ADCY10: variants seen among roughly 807,000 people sequenced by gnomAD.
ADCY10 encodes adenylate cyclase 10.
Under a neutral mutation model 183.3 loss-of-function variants are expected in ADCY10, and 156 were observed. That is an observed-to-expected ratio of 0.85 (90% CI 0.75 to 0.97). ADCY10 has a LOEUF of 0.97. Ranked by LOEUF, ADCY10 falls within the 50% of genes least tolerant of loss-of-function variation. ADCY10 has a pLI of 0.00. For synonymous variants in ADCY10, 645 were observed against 670.0 expected, an observed-to-expected ratio of 0.96 and a Z score of 0.58; for missense variants, 1,745 against 1,934.3, an observed-to-expected ratio of 0.90 and a Z score of 1.84.
At chr1:167,819,938 A>C (rs1662781509) in intron 30 of ADCY10, 3 of 1,143,624 alleles carry the variant, frequency 2.6e-6, no homozygotes, top group Non-Finnish European at 4.0e-6. Context: ...CAGGCCATCA[A>C]CTTCATCTTC....
chr1:167,891,724 T>C (rs1372995502), intron 8 of ADCY10, among the ~76,000 whole-genome samples: 1 of 151,696 alleles, frequency 6.6e-6, no homozygotes, highest in Non-Finnish European at 1.5e-5. Context: ...ATCCCTGAAT[T>C]TTGTTAATTA....
intron 25 of ADCY10, among the ~76,000 whole-genome samples, chr1:167,830,857 C>T (rs1418942876): frequency 6.6e-6 from 1 of 152,176 alleles, no homozygotes; most frequent in African/African-American, 2.4e-5. Context: ...TCTGATTTGC[C>T]TCCTTTGGAA....
At position 167,854,455 on chromosome 1, in the gene ADCY10, A is replaced by C; in HGVS notation, c.2206T>G (p.Tyr736Asp). Reference sequence around the variant, plus strand: ...AGGTTTTTAAGCAATTCTTCACAGTAAAATGGAATCCCACAGCTTCCCTCC... The same window carrying C: ...AGGTTTTTAAGCAATTCTTCACAGTCAAATGGAATCCCACAGCTTCCCTCC... ...LGEGSCGIPFYCEELLKNLEH... is the reference protein window; with the variant it reads ...LGEGSCGIPFDCEELLKNLEH... The change falls in exon 18 of 33, where the codon TAC (tyrosine) becomes GAC (aspartate). Residue 736 changes from tyrosine (Y) to aspartate (D), a missense_variant. Tyr to Asp is a radical substitution (Grantham distance 160). Coordinates refer to ENST00000367851, the MANE Select transcript of ADCY10 (RefSeq NM_018417.6). The C allele has an allele frequency of 6.2e-7, 1 of 1,614,218 alleles. No homozygotes were observed. Among genetic ancestry groups the C allele is most frequent in the Non-Finnish European group, 8.5e-7 (1 of 1,180,040 alleles).
At chr1:167,867,108 G>A (rs1410199983) in intron 14 of ADCY10, among the ~76,000 whole-genome samples, 2 of 152,214 alleles carry the variant, frequency 1.3e-5, no homozygotes, top group South Asian at 2.1e-4. Flanking sequence ...CCTAAACCCC[G>A]CCACCTTGCT....
intron 15 of ADCY10, 62 bp downstream of exon 15, chr1:167,860,809 A>T: frequency 7.3e-7 from 1 of 1,376,176 alleles, no homozygotes; most frequent in Non-Finnish European, 1.0e-6. Context: ...ACAATGCACC[A>T]GAGAGGAGTT....
chr1:167,860,894 G>C lies in ADCY10; in HGVS notation c.1786C>G (p.Leu596Val), dbSNP rs548988480. The C allele has an allele frequency of 3.1e-6, 5 of 1,613,998 alleles. No homozygotes were observed. The African/African-American group carries it at 6.7e-5, about 22-fold the overall frequency. The stretch of plus-strand genomic sequence containing the variant: ...ACCTGAACATGGAAAATGTCATTAA[G>C]AAGACAGTAGAACTTTTCATCCAAC... ...TLLDEKFYCL[L>V]NDIFHVQFPI... is the part of the protein sequence containing the mutation. The change falls in exon 15 of 33, where the codon CTT (leucine) becomes GTT (valine). Residue 596 changes from leucine to valine, a missense_variant. Coordinates refer to ENST00000367851, the MANE Select transcript of ADCY10 (RefSeq NM_018417.6).
chr1:167,820,399 A>G (rs1558146416), intron 30 of ADCY10: 4 of 538,098 alleles, frequency 7.4e-6, no homozygotes, highest in Non-Finnish European at 1.3e-5. Context: ...CAGCACCCCG[A>G]GAGCTGGCCG....
intron 23 of ADCY10, 77 bp from the exon 24 acceptor site, chr1:167,834,154 C>A: frequency 9.2e-7 from 1 of 1,082,448 alleles, no homozygotes. Context: ...GCCCCAGACT[C>A]TACTGAAGTA....
intron 6 of ADCY10, 98 bp from the exon 7 acceptor site, chr1:167,896,789 AAC>A: frequency 1.2e-6 from 1 of 838,034 alleles, no homozygotes; most frequent in East Asian, 2.5e-5. Flanking sequence ...CTTTTGACTG[AAC>A]AGTGATTGGC....
intron 21 of ADCY10, among the ~76,000 whole-genome samples, chr1:167,841,641 C>T (rs1479074894): frequency 6.6e-6 from 1 of 151,104 alleles, no homozygotes; most frequent in Non-Finnish European, 1.5e-5. Flanking sequence ...ACTACAGGCA[C>T]AAGCCATCGC....
chr1:167,809,632 A>C lies in ADCY10; in HGVS notation c.*46T>G. 1 of 1,603,986 alleles carries C rather than the reference A, an allele frequency of 6.2e-7. No homozygotes were observed. The highest frequency in any genetic ancestry group is 8.5e-7 in the Non-Finnish European group (1 of 1,170,812). On this transcript the variant is annotated 3_prime_UTR_variant, in exon 33 of 33. Transcript: ENST00000367851. ...CCACGGAGAAAGGTCAATAATAGAT[A>C]ATCACAAGGACATAGTGCTTATTAA...
At chr1:167,871,648 C>T (rs1667114463) in intron 13 of ADCY10, among the ~76,000 whole-genome samples, 1 of 152,186 alleles carries the variant, frequency 6.6e-6, no homozygotes, top group African/African-American at 2.4e-5. Flanking sequence ...TTTTGTTATT[C>T]ACTGATAGAA....
intron 12 of ADCY10, among the ~76,000 whole-genome samples, chr1:167,875,902 G>A (rs1001577155): frequency 2.0e-5 from 3 of 151,402 alleles, no homozygotes; most frequent in South Asian, 2.1e-4. Context: ...GCAGTGAGCC[G>A]AGATCGCACC....
intron 8 of ADCY10, 92 bp downstream of exon 8, chr1:167,893,761 G>T: frequency 5.8e-6 from 4 of 691,682 alleles, no homozygotes; most frequent in South Asian, 1.6e-5. Context: ...CTATTTACTA[G>T]TAGCTGCTGT....
rs371489223 is a variant in ADCY10, at chr1:167,827,572, G to A, written c.3750+1695C>T. ...TGTCTCCTGATATCTTCTTCATCCA[G>A]TCAAAGGCTTCTTTGGTTATGACCT... On this transcript the variant is annotated intron_variant, in intron 26 of 32. Transcript: ENST00000367851. Among the ~76,000 whole-genome samples the A allele has an allele frequency of 5.9e-5, 9 of 152,022 alleles. No homozygotes were observed. The South Asian group carries it at 1.9e-3, about 32-fold the overall frequency.
At chr1:167,832,262 A>G (rs1276489732) in intron 25 of ADCY10, among the ~76,000 whole-genome samples, 2 of 152,170 alleles carry the variant, frequency 1.3e-5, no homozygotes, top group Admixed American at 1.3e-4. Context: ...GATAGGTGGA[A>G]TATTTTTGAA....
At chr1:167,849,226 A>T (rs1370277816) in intron 18 of ADCY10, among the ~76,000 whole-genome samples, 1 of 152,208 alleles carries the variant, frequency 6.6e-6, no homozygotes. Flanking sequence ...TTACAAACAC[A>T]TTCTGTGAGG....
intron 8 of ADCY10, 104 bp from the exon 9 acceptor site, chr1:167,883,732 C>T (rs1668030925): frequency 1.9e-5 from 20 of 1,042,822 alleles, no homozygotes; most frequent in Non-Finnish European, 3.0e-5. Flanking sequence ...ATGTCTACCT[C>T]AGAATGGGTG....
At position 167,896,665 on chromosome 1, in the gene ADCY10, A is replaced by G. The variant is rs2102381399; in HGVS notation, c.669T>C (p.Asn223=). The G allele has an allele frequency of 1.2e-6, 2 of 1,613,218 alleles. No individual in the cohort carries two copies. Among genetic ancestry groups the G allele is most frequent in the South Asian group, 2.2e-5 (2 of 91,072 alleles). Residue 223 remains asparagine (N), a synonymous_variant, in exon 7 of 33, where the codon AAT becomes AAC. Transcript: ENST00000367851. ...TTGTGAAAAATTCATCAAAATTAAA[A>G]TTGGGGGGTGGTTTTAAGAAGTTAA... The part of the protein sequence containing the change: ...VKVNFLKPPP[N]FNFDEFFTKC...
Sources: gnomAD v4.1 joint callset for allele counts (sites outside exome capture counted in the v4.1 genomes callset) on GRCh38, gnomAD v4.1.1 for gene constraint, MANE v1.5 for transcripts, NCBI Gene and HGNC (gene_info 2026-07-23, HGNC 2026-07-21) for gene names.